Variants in DIP2A observed in about 807,000 individuals in gnomAD.
DIP2A encodes DIP2 acetate--CoA ligase A.
In DIP2A, 85 loss-of-function variants were observed where a neutral mutation model predicts 177.4. That is an observed-to-expected ratio of 0.48 (90% confidence interval 0.40 to 0.57). DIP2A has a LOEUF of 0.57. DIP2A is among the 20% of genes least tolerant of loss of function. DIP2A has a pLI of 0.00. For missense variants in DIP2A, 1,791 were observed against 2,100.2 expected (o/e 0.85, Z 2.88); for synonymous variants, 886 against 881.8 (o/e 1.00, Z -0.08).
At chr21:46,468,105 TAAAAA>T (rs966901037) in intron 1 of DIP2A, among the ~76,000 whole-genome samples, 2 of 143,852 alleles carry the variant, frequency 1.4e-5, no homozygotes, top group African/African-American at 5.1e-5. Flanking sequence ...CTCTACTAAA[TAAAAA>T]AAAAAATTAG....
At position 46,549,872 on chromosome 21, in the gene DIP2A, G is replaced by A; in HGVS notation, c.2624G>A (p.Ser875Asn). The change falls in exon 22 of 38, where the codon AGC becomes AAC. Residue 875 changes from serine (S) to asparagine (N), a missense_variant. By Grantham distance (46) the Ser-to-Asn change is conservative (BLOSUM62 1). Transcript: ENST00000417564. ...ASEEDSFQWM[S>N]RVLQAIDSIH... ...GAGGAGGACAGCTTCCAGTGGATGA[G>A]CCGTGTGCTGCAGGTGGGCGCCCCG... 1.9e-6 allele frequency: 3 copies of A among 1,611,678 alleles called. No homozygotes were observed. Among genetic ancestry groups the A allele is most frequent in the Non-Finnish European group, 2.5e-6 (3 of 1,179,946 alleles).
In DIP2A at chr21:46,561,041, C is replaced by T. The variant is rs1276714906; in HGVS notation, c.4031+258C>T. 4.1e-6 allele frequency: 4 copies of T among 982,504 alleles called. No homozygotes were observed. The African/African-American group carries it at 5.2e-5, about 13-fold the overall frequency. The allele number at this position is 982,504 out of a possible 1,614,324, so 60.9% of individuals were successfully genotyped here. A position where few individuals can be genotyped will look rare whatever the true frequency, so the allele number is the denominator to read the frequency against. ...GAGCTCAGTGTCTATCTCTGTGCGCCCGTGTCCCCAGGGCTGCAGTTAACA... is the reference window on the plus strand; with the variant it reads ...GAGCTCAGTGTCTATCTCTGTGCGCTCGTGTCCCCAGGGCTGCAGTTAACA... On this transcript the variant is annotated intron_variant, in intron 33 of 37. Transcript: ENST00000417564.
At chr21:46,493,926 A>C (rs532660548) in intron 3 of DIP2A, among the ~76,000 whole-genome samples, 57 of 152,204 alleles carry the variant, frequency 3.7e-4, no homozygotes, top group Non-Finnish European at 6.6e-4. Context: ...CCTTGGATTA[A>C]TCTATACTCT....
chr21:46,537,178 A>G lies in DIP2A; in HGVS notation c.1643-46A>G. On this transcript the variant is annotated intron_variant, in intron 13 of 37. Coordinates refer to ENST00000417564, the MANE Select transcript of DIP2A (RefSeq NM_015151.4). The surrounding 1 kb of genome is among the most constrained non-coding windows in gnomAD (Gnocchi z 4.1). The stretch of plus-strand genomic sequence containing the variant: ...TTTCTCTAGAAAATGCATAGGGCTT[A>G]TTGAGAGGGTTGCTCAGTGGTGTCA... The G allele has an allele frequency of 6.2e-7, 1 of 1,602,718 alleles. No individual in the cohort carries two copies. Among genetic ancestry groups the G allele is most frequent in the South Asian group, 1.1e-5 (1 of 90,870 alleles).
chr21:46,464,714 C>T (rs1315489802), intron 1 of DIP2A, among the ~76,000 whole-genome samples: 1 of 151,928 alleles, frequency 6.6e-6, no homozygotes, highest in Non-Finnish European at 1.5e-5. Flanking sequence ...CTAACCTGTC[C>T]CTGCGATAAC....
intron 6 of DIP2A, among the ~76,000 whole-genome samples, chr21:46,508,422 A>C (rs1260585644): frequency 2.2e-5 from 3 of 139,492 alleles, no homozygotes; most frequent in Non-Finnish European, 4.6e-5. Context: ...GCAGTGGCGC[A>C]ATCTCGGCTC....
At chr21:46,555,757 C>A (rs2060445229) in intron 28 of DIP2A, 1 of 553,896 alleles carries the variant, frequency 1.8e-6, no homozygotes, top group Non-Finnish European at 3.2e-6. Flanking sequence ...CCCATCCCCA[C>A]AGGCTCAGTG....
intron 35 of DIP2A, among the ~76,000 whole-genome samples, chr21:46,565,235 C>T (rs549389868): frequency 4.6e-5 from 7 of 152,324 alleles, no homozygotes; most frequent in African/African-American, 1.2e-4. Flanking sequence ...GGATAGCGGA[C>T]GCACACACAC....
At chr21:46,500,544 T>TA (rs1318366969) in intron 5 of DIP2A, among the ~76,000 whole-genome samples, 3 of 152,242 alleles carry the variant, frequency 2.0e-5, no homozygotes, top group African/African-American at 7.2e-5. Flanking sequence ...AATGTTCTGT[T>TA]ACCTCATTTC....
rs2057467338 is a variant in DIP2A, at chr21:46,498,333, T to C, written c.404-249T>C. Among the ~76,000 whole-genome samples, 1 of 152,208 alleles carries C rather than the reference T, an allele frequency of 6.6e-6. No homozygotes were observed. The highest frequency in any genetic ancestry group is 1.5e-5 in the Non-Finnish European group (1 of 68,026). On this transcript the variant is annotated intron_variant, in intron 4 of 37. Transcript: ENST00000417564. The surrounding 1 kb of genome is among the most constrained non-coding windows in gnomAD (Gnocchi z 4.3). ...GGCTGTCTTCACTGAGTGTGTCTGG[T>C]ACCCTGTGGCTGAGTTCTCTCTGGG... is the stretch of plus-strand genomic sequence containing the variant.
chr21:46,540,125 C>T (rs916208281), intron 17 of DIP2A, 134 bp downstream of exon 17: 7 of 703,716 alleles, frequency 9.9e-6, no homozygotes, highest in Non-Finnish European at 1.7e-5. Context: ...TGCCTGGCCC[C>T]CCACATTTTG....
At position 46,549,808 on chromosome 21, in the gene DIP2A, C is replaced by T. The variant is rs774632372; in HGVS notation, c.2560C>T (p.Arg854Trp). The T allele has an allele frequency of 1.4e-5, 22 of 1,613,572 alleles. No individual in the cohort carries two copies. The highest frequency in any genetic ancestry group is 2.2e-5 in the East Asian group (1 of 44,894). ...VFSVTVLHDD[R>W]IVLVAEQRPD... ...CTCTGTGACCGTGCTGCACGACGAC[C>T]GGATTGTCCTGGTGGCTGAGCAGCG... is the stretch of plus-strand genomic sequence containing the variant. Residue 854 changes from arginine (R) to tryptophan (W), a missense_variant, in exon 22 of 38, where the codon CGG becomes TGG. By Grantham distance (101) the Arg-to-Trp change is moderately radical. Transcript: ENST00000417564.
intron 25 of DIP2A, chr21:46,552,762 A>G (rs9982810): frequency 6.6e-6 from 1 of 152,196 alleles, no homozygotes; most frequent in African/African-American, 2.4e-5. Context: ...CGTAGGAGAG[A>G]GACTTTGTTT....
At chr21:46,469,449 A>G (rs2055159664) in intron 1 of DIP2A, 2 of 152,274 alleles carry the variant, frequency 1.3e-5, no homozygotes, top group African/African-American at 4.8e-5. Flanking sequence ...GACTGAGATA[A>G]GTGCACTGTT....
At chr21:46,460,988 C>A (rs111901277) in intron 1 of DIP2A, among the ~76,000 whole-genome samples, 2 of 151,524 alleles carry the variant, frequency 1.3e-5, no homozygotes, top group Admixed American at 6.6e-5. Context: ...GCCACCGTGC[C>A]TGGCTTGTGG....
At position 46,459,255 on chromosome 21, in the gene DIP2A, C is replaced by T. The variant is rs1229397286; in HGVS notation, c.91+33C>T. 6.3e-5 allele frequency: 95 copies of T among 1,496,650 alleles called. No homozygotes were observed. The Middle Eastern group carries it at 7.1e-4, about 11-fold the overall frequency. The allele number at this position is 1,496,650 out of a possible 1,614,324, so 92.7% of individuals were successfully genotyped here. ...GGACCCCGCCCTCAACCCCCGCGAC[C>T]CGCCCTCAGCCCGGTCCCCCGCGCA... is the stretch of plus-strand genomic sequence containing the variant. On this transcript the variant is annotated intron_variant, in intron 1 of 37. Transcript: ENST00000417564.
chr21:46,545,896 A>T lies in DIP2A; in HGVS notation c.2329A>T (p.Thr777Ser). The T allele has an allele frequency of 6.2e-7, 1 of 1,613,932 alleles. No individual in the cohort carries two copies. Among genetic ancestry groups the T allele is most frequent in the South Asian group, 1.1e-5 (1 of 91,084 alleles). ...CTTTGTGCAGGCAGTTCCGGTCACC[A>T]CAGGAGGAGCACCCATCTTTGACAG... ...KNVFEAVPVT[T>S]GGAPIFDRPF... is the part of the protein sequence containing the mutation. Residue 777 changes from threonine (T) to serine (S), a missense_variant, in exon 20 of 38, where the codon ACA (threonine) becomes TCA (serine). By Grantham distance (58) the Thr-to-Ser change is moderately conservative. Coordinates refer to ENST00000417564, the MANE Select transcript of DIP2A (RefSeq NM_015151.4).
At chr21:46,490,811 A>G (rs1013552540) in intron 3 of DIP2A, 92 bp downstream of exon 3, 12 of 1,405,170 alleles carry the variant, frequency 8.5e-6, no homozygotes, top group Non-Finnish European at 1.1e-5. Flanking sequence ...TTCCTTTGCC[A>G]CAATATCTGC....
In DIP2A at chr21:46,555,042, G is replaced by T. The variant is rs536439113; in HGVS notation, c.3388+109G>T. 35 of 1,167,586 alleles carry T rather than the reference G, an allele frequency of 3.0e-5. 2 individuals are homozygous for T. In the African/African-American group the frequency reaches 4.1e-4, roughly 14 times the overall value. 72.3% of individuals were successfully genotyped at this position (1,167,586 alleles called of 1,614,324 possible). Reference sequence around the variant, plus strand: ...CACACGTGAGGCAAGAGCAGTCCTGGCAGGAGCCTGGCTGACAGCAGGGGG... The same window carrying T: ...CACACGTGAGGCAAGAGCAGTCCTGTCAGGAGCCTGGCTGACAGCAGGGGG... On this transcript the variant is annotated intron_variant, in intron 28 of 37. Coordinates refer to ENST00000417564, the MANE Select transcript of DIP2A (RefSeq NM_015151.4).
Sources: gnomAD v4.1 joint callset for allele counts (sites outside exome capture counted in the v4.1 genomes callset) on GRCh38, gnomAD v4.1.1 for gene constraint, Gnocchi (gnomAD v3.1) non-coding constraint, MANE v1.5 for transcripts, NCBI Gene and HGNC (gene_info 2026-07-23, HGNC 2026-07-21) for gene names.